The following INPP5A variants were observed in gnomAD, a reference collection of about 807,000 sequenced individuals.
INPP5A encodes the protein inositol polyphosphate-5-phosphatase A, also known as 43 kDa inositol polyphosphate 5-phophatase.
In INPP5A, 14 loss-of-function variants were observed where a neutral mutation model predicts 65.2. The ratio of observed to expected loss-of-function variants is 0.21; its 90% CI spans 0.14 to 0.34. INPP5A has a LOEUF of 0.34. INPP5A is among the 10% of genes least tolerant of loss of function. INPP5A has a pLI of 1.00. For synonymous variants in INPP5A, 207 were observed against 208.3 expected (o/e 0.99, Z 0.05); for missense variants, 431 against 545.6 (o/e 0.79, Z 2.09).
rs2072573398 is a variant in INPP5A at position 132,651,277 on chromosome 10, G to T, written c.306+772G>T. 2.9e-5 allele frequency among the ~76,000 whole-genome samples: 4 copies of T among 137,868 alleles called. No individual in the cohort carries two copies. The South Asian group carries it at 1.0e-3, about 34-fold the overall frequency. The allele number at this position is 137,868 out of a possible 152,430, so 90.4% of individuals were successfully genotyped here. A position where few individuals can be genotyped will look rare whatever the true frequency, so the allele number is the denominator to read the frequency against. ...CTCTGGGGAGGCCCTGGGTCCCCCG[G>T]CCTGGGTCCATCTCCCCCGTCTCTG... On this transcript the variant is annotated intron_variant, in intron 4 of 15. Transcript: ENST00000368594. This position sits in a 1 kb window ranked among gnomAD's most constrained non-coding sequence, Gnocchi z 5.0.
At chr10:132,618,765 G>A (rs2072075478) in intron 2 of INPP5A, among the ~76,000 whole-genome samples, 1 of 152,218 alleles carries the variant, frequency 6.6e-6, no homozygotes, top group Non-Finnish European at 1.5e-5. Context: ...GAGTAGCCAT[G>A]CCACACAGTG....
chr10:132,682,556 G>A (rs1430312239), intron 4 of INPP5A, among the ~76,000 whole-genome samples: 1 of 152,254 alleles, frequency 6.6e-6, no homozygotes, highest in East Asian at 1.9e-4. Flanking sequence ...GATGTGGAAC[G>A]TGGGCACTGC....
At position 132,675,356 on chromosome 10, in the gene INPP5A, A is replaced by C. The variant is rs1488712665; in HGVS notation, c.307-15036A>C. ...AATAGACATTTTAACTCAAATGAAA[A>C]ACAGTAAGTACTAACGGATGTTCTT... is the stretch of plus-strand genomic sequence containing the variant. On this transcript the variant is annotated intron_variant, in intron 4 of 15. Transcript: ENST00000368594. This position sits in a 1 kb window ranked among gnomAD's most constrained non-coding sequence, Gnocchi z 4.2. Among the ~76,000 whole-genome samples the C allele has an allele frequency of 6.6e-6, 1 of 152,252 alleles. No homozygotes were observed. Among genetic ancestry groups the C allele is most frequent in the African/African-American group, 2.4e-5 (1 of 41,462 alleles).
chr10:132,567,515 A>G (rs1054096019), intron 1 of INPP5A, among the ~76,000 whole-genome samples: 1 of 152,232 alleles, frequency 6.6e-6, no homozygotes, highest in African/African-American at 2.4e-5. Flanking sequence ...TTCCCCTGAT[A>G]GGAACATCGT....
Position 132,713,252 on chromosome 10 carries a change from A to G in INPP5A, c.647+2796A>G, listed in dbSNP as rs371964623. 1.5e-4 allele frequency among the ~76,000 whole-genome samples: 23 copies of G among 152,104 alleles called. No individual in the cohort carries two copies. The South Asian group carries it at 1.7e-3, about 11-fold the overall frequency. ...TGTGTAGGTGTACAGGTGTGGGTGC[A>G]TGTGCACATAAGTGTGTACCTGTCA... On this transcript the variant is annotated intron_variant, in intron 8 of 15. Coordinates refer to ENST00000368594, the MANE Select transcript of INPP5A (RefSeq NM_005539.5).
At chr10:132,711,618 G>A (rs934106294) in intron 8 of INPP5A, among the ~76,000 whole-genome samples, 1 of 152,190 alleles carries the variant, frequency 6.6e-6, no homozygotes, top group African/African-American at 2.4e-5. Flanking sequence ...TTACACTCCC[G>A]ACTAAGCGTG....
At chr10:132,660,095 A>C (rs767462737) in intron 4 of INPP5A, among the ~76,000 whole-genome samples, 3 of 152,274 alleles carry the variant, frequency 2.0e-5, no homozygotes, top group African/African-American at 4.8e-5. Context: ...GACACACGGC[A>C]CATTATAATG....
Position 132,674,319 on chromosome 10 carries a change from T to C in INPP5A, c.307-16073T>C, listed in dbSNP as rs566712614. Among the ~76,000 whole-genome samples the C allele has an allele frequency of 4.7e-4, 71 of 152,296 alleles. No individual in the cohort carries two copies. Among genetic ancestry groups the C allele is most frequent in the African/African-American group, 1.6e-3 (65 of 41,566 alleles). On this transcript the variant is annotated intron_variant, in intron 4 of 15. Transcript: ENST00000368594. The surrounding 1 kb of genome is among the most constrained non-coding windows in gnomAD (Gnocchi z 4.4). ...AATCACACATCTGGCCATTTCTCCTTCCAAGCAGAGTGCACAAGCGGGTGC... is the reference window on the plus strand; with the variant it reads ...AATCACACATCTGGCCATTTCTCCTCCCAAGCAGAGTGCACAAGCGGGTGC...
intron 2 of INPP5A, among the ~76,000 whole-genome samples, chr10:132,608,847 CA>C (rs1218191503): frequency 6.6e-6 from 1 of 152,168 alleles, no homozygotes; most frequent in East Asian, 1.9e-4. Flanking sequence ...AGTGGAGGCC[CA>C]GGGGCCCTCT....
At chr10:132,728,319 T>C (rs2134585495) in intron 9 of INPP5A, among the ~76,000 whole-genome samples, 1 of 152,356 alleles carries the variant, frequency 6.6e-6, no homozygotes, top group East Asian at 1.9e-4. Flanking sequence ...TTTCTCCTCG[T>C]AGAGGCTGTC....
intron 2 of INPP5A, among the ~76,000 whole-genome samples, chr10:132,619,008 C>T (rs1390895374): frequency 2.0e-5 from 3 of 152,196 alleles, no homozygotes; most frequent in Non-Finnish European, 4.4e-5. Context: ...CTGTATCATT[C>T]TGCCCCAGCC....
intron 2 of INPP5A, among the ~76,000 whole-genome samples, chr10:132,613,660 C>G (rs1590868845): frequency 6.6e-6 from 1 of 152,200 alleles, no homozygotes; most frequent in Non-Finnish European, 1.5e-5. Flanking sequence ...CCAATCCCCA[C>G]TCTCATGCTT....
In INPP5A at chr10:132,782,023, G is replaced by C; in HGVS notation, c.*8-14G>C. On this transcript the variant is annotated splice_polypyrimidine_tract_variant and intron_variant, in intron 15 of 15. Coordinates refer to ENST00000368594, the MANE Select transcript of INPP5A (RefSeq NM_005539.5). This position sits in a 1 kb window ranked among gnomAD's most constrained non-coding sequence, Gnocchi z 4.4. ...TGCGTTTGTTCCTTTAACAAATTAC[G>C]AATTCCGTGACAGGGAAGAGATGCC... 6.2e-7 allele frequency: 1 copy of C among 1,605,556 alleles called. No homozygotes were observed. Among genetic ancestry groups the C allele is most frequent in the East Asian group, 2.2e-5 (1 of 44,668 alleles).
intron 2 of INPP5A, among the ~76,000 whole-genome samples, chr10:132,608,509 G>A (rs2071893258): frequency 6.6e-6 from 1 of 152,276 alleles, no homozygotes; most frequent in Non-Finnish European, 1.5e-5. Flanking sequence ...CCACTGTGAA[G>A]AGACAGGCTG....
intron 1 of INPP5A, among the ~76,000 whole-genome samples, chr10:132,563,366 G>A (rs1311070857): frequency 6.6e-6 from 1 of 152,202 alleles, no homozygotes; most frequent in African/African-American, 2.4e-5. Flanking sequence ...GCCGGGTGCT[G>A]CGGGAGCCTT....
intron 12 of INPP5A, among the ~76,000 whole-genome samples, chr10:132,770,331 G>A (rs1198232571): frequency 6.6e-6 from 1 of 152,246 alleles, no homozygotes; most frequent in Non-Finnish European, 1.5e-5. Context: ...TGCAGCTTCC[G>A]GAATGTGGGG....
rs1166329865 is a variant in INPP5A, at chr10:132,678,193, C to A, written c.307-12199C>A. 2.0e-5 allele frequency among the ~76,000 whole-genome samples: 3 copies of A among 152,144 alleles called. No individual in the cohort carries two copies. The highest frequency in any genetic ancestry group is 4.4e-5 in the Non-Finnish European group (3 of 68,030). ...TCCTCTGAGAGCGGACGGTCACAGC[C>A]CCCCGTATGCTGCCTGGGGGTGGCA... On this transcript the variant is annotated intron_variant, in intron 4 of 15. Transcript: ENST00000368594. This position sits in a 1 kb window ranked among gnomAD's most constrained non-coding sequence, Gnocchi z 4.1.
chr10:132,763,206 T>C (rs932275693), intron 11 of INPP5A, among the ~76,000 whole-genome samples: 2 of 152,190 alleles, frequency 1.3e-5, no homozygotes, highest in South Asian at 4.1e-4. Flanking sequence ...CCTTTCTGAC[T>C]CTCAGCAGAT....
At chr10:132,735,841 G>T (rs974002728) in intron 9 of INPP5A, among the ~76,000 whole-genome samples, 1 of 152,252 alleles carries the variant, frequency 6.6e-6, no homozygotes, top group Non-Finnish European at 1.5e-5. Context: ...GACCAGCTTG[G>T]TGGCCCTGGA....
Sources: gnomAD v4.1 joint callset for allele counts (sites outside exome capture counted in the v4.1 genomes callset) on GRCh38, gnomAD v4.1.1 for gene constraint, Gnocchi (gnomAD v3.1) non-coding constraint, MANE v1.5 for transcripts, NCBI Gene and HGNC (gene_info 2026-07-23, HGNC 2026-07-21) for gene names.